PPARA: variants seen among roughly 807,000 people sequenced by gnomAD.
PPARA encodes the protein peroxisome proliferator activated receptor alpha.
A neutral mutation model predicts 42.2 loss-of-function variants in PPARA; 22 were observed. The ratio of observed to expected loss-of-function variants is 0.52; its 90% CI spans 0.37 to 0.74. The LOEUF (loss-of-function observed/expected upper bound fraction) is 0.74, where lower values mean the gene tolerates loss of function less well. Ranked by LOEUF, PPARA falls within the 30% of genes least tolerant of loss-of-function variation. PPARA has a pLI of 0.00. For missense variants in PPARA, 465 were observed against 608.2 expected (o/e 0.76, Z 2.48); for synonymous variants, 242 against 239.3 (o/e 1.01, Z -0.10).
chr22:46,215,974 A>G (rs567026130), intron 5 of PPARA, among the ~76,000 whole-genome samples: 75 of 152,290 alleles, frequency 4.9e-4, no homozygotes, highest in African/African-American at 1.7e-3. Context: ...ATTGTCTTCC[A>G]TGAAACCGGT....
chr22:46,158,993 G>T (rs1180954822), intron 2 of PPARA, among the ~76,000 whole-genome samples: 1 of 152,124 alleles, frequency 6.6e-6, no homozygotes, highest in African/African-American at 2.4e-5. Context: ...GGGTTCCAGT[G>T]GTTCTCCTAC....
At position 46,192,343 on chromosome 22, in the gene PPARA, C is replaced by T. The variant is rs1412630845; in HGVS notation, c.-42-5999C>T. ...ACTCATTTTAGCCTAATCTTCCAAACAGTCACGCATCTAAGAGCAGGTGAT... is the reference window on the plus strand; with the variant it reads ...ACTCATTTTAGCCTAATCTTCCAAATAGTCACGCATCTAAGAGCAGGTGAT... On this transcript the variant is annotated intron_variant, in intron 3 of 8. Transcript: ENST00000407236. This position sits in a 1 kb window ranked among gnomAD's most constrained non-coding sequence, Gnocchi z 4.3. Among the ~76,000 whole-genome samples, 1 of 152,216 alleles carries T rather than the reference C, an allele frequency of 6.6e-6. No individual in the cohort carries two copies. Among genetic ancestry groups the T allele is most frequent in the East Asian group, 1.9e-4 (1 of 5,198 alleles).
In PPARA at chr22:46,159,771, A is replaced by G. The variant is rs4253633; in HGVS notation, c.-127+7801A>G. Among the ~76,000 whole-genome samples the G allele has an allele frequency of 1.9e-3, 295 of 152,308 alleles. 3 individuals carry two copies. The highest frequency in any genetic ancestry group is 6.8e-3 in the African/African-American group (282 of 41,562). ...CCTGGGAAGAAGGCTTTGGAAAATGAGAGGCATGAAGGGGAGAGGGTATTT... is the reference window on the plus strand; with the variant it reads ...CCTGGGAAGAAGGCTTTGGAAAATGGGAGGCATGAAGGGGAGAGGGTATTT... On this transcript the variant is annotated intron_variant, in intron 2 of 8. Coordinates refer to ENST00000407236, the MANE Select transcript of PPARA (RefSeq NM_005036.6).
In PPARA at chr22:46,195,152, C is replaced by T. The variant is rs1932080076; in HGVS notation, c.-42-3190C>T. ...TCCTGACCTTAAGTGATCTGCCCGC[C>T]TCAGCCTCCCAAAGTGCTGGGATTA... is the stretch of plus-strand genomic sequence containing the variant. On this transcript the variant is annotated intron_variant, in intron 3 of 8. Transcript: ENST00000407236. This position sits in a 1 kb window ranked among gnomAD's most constrained non-coding sequence, Gnocchi z 4.6. Among the ~76,000 whole-genome samples, 1 of 152,074 alleles carries T rather than the reference C, an allele frequency of 6.6e-6. No homozygotes were observed. Among genetic ancestry groups the T allele is most frequent in the Non-Finnish European group, 1.5e-5 (1 of 68,028 alleles).
rs1328470614 is a variant in PPARA, at chr22:46,240,214, A to G, written c.*4834A>G. 5.8e-5 allele frequency: 23 copies of G among 398,726 alleles called. No individual in the cohort carries two copies. The South Asian group carries it at 2.0e-3, about 35-fold the overall frequency. The allele number at this position is 398,726 out of a possible 1,614,324, so 24.7% of individuals were successfully genotyped here. On this transcript the variant is annotated 3_prime_UTR_variant, in exon 9 of 9. Coordinates refer to ENST00000407236, the MANE Select transcript of PPARA (RefSeq NM_005036.6). This position sits in a 1 kb window ranked among gnomAD's most constrained non-coding sequence, Gnocchi z 6.0. The stretch of plus-strand genomic sequence containing the variant: ...ATGCCATGGCTCTGGGCAGCTTTCA[A>G]AGCAGGTTCCTGTGGTCTCCTCAGC...
Position 46,236,978 on chromosome 22 carries a change from G to A in PPARA, c.*1598G>A, listed in dbSNP as rs55774449. The stretch of plus-strand genomic sequence containing the variant: ...AGTTTGTCAAGAATATATGGACCTG[G>A]AAACACTTTCTCTCTCTGTCCACCT... On this transcript the variant is annotated 3_prime_UTR_variant, in exon 9 of 9. Coordinates refer to ENST00000407236, the MANE Select transcript of PPARA (RefSeq NM_005036.6). This position sits in a 1 kb window ranked among gnomAD's most constrained non-coding sequence, Gnocchi z 5.2. 2,854 of 152,298 alleles carry A rather than the reference G, an allele frequency of 0.019. 49 individuals carry two copies. Among genetic ancestry groups the A allele is most frequent in the Middle Eastern group, 0.031 (9 of 294 alleles). 9.4% of individuals were successfully genotyped at this position (152,298 alleles called of 1,614,324 possible).
chr22:46,228,710 T>C (rs574795899), intron 7 of PPARA, among the ~76,000 whole-genome samples: 1 of 152,330 alleles, frequency 6.6e-6, no homozygotes, highest in Non-Finnish European at 1.5e-5. Context: ...TCATTCTCAT[T>C]CTGGAAGACT....
chr22:46,169,723 C>G (rs1927691659), intron 2 of PPARA, among the ~76,000 whole-genome samples: 1 of 151,988 alleles, frequency 6.6e-6, no homozygotes, highest in African/African-American at 2.4e-5. Flanking sequence ...TATAAGATCT[C>G]TACTCAGAAA....
Position 46,221,383 on chromosome 22 carries a change from C to T in PPARA, c.711+1369C>T, listed in dbSNP as rs978417897. Among the ~76,000 whole-genome samples the T allele has an allele frequency of 4.6e-5, 7 of 152,234 alleles. No homozygotes were observed. The highest frequency in any genetic ancestry group is 8.8e-5 in the Non-Finnish European group (6 of 68,048). ...TAAGGCTAGAAAAGGAAACCACTTA[C>T]TTCCCACTCAAAATGTGCTCTTGGT... On this transcript the variant is annotated intron_variant, in intron 7 of 8. Coordinates refer to ENST00000407236, the MANE Select transcript of PPARA (RefSeq NM_005036.6). The surrounding 1 kb of genome is among the most constrained non-coding windows in gnomAD (Gnocchi z 5.9).
At position 46,234,094 on chromosome 22, in the gene PPARA, G is replaced by A. The variant is rs1936065109; in HGVS notation, c.1160-1039G>A. Among the ~76,000 whole-genome samples the A allele has an allele frequency of 6.6e-6, 1 of 152,106 alleles. No homozygotes were observed. Among genetic ancestry groups the A allele is most frequent in the Admixed American group, 6.5e-5 (1 of 15,270 alleles). ...CCACCTCGGCCTCCCAAAGTGCTGG[G>A]ATTACAGGCATGAGCCACTGCACCC... is the stretch of plus-strand genomic sequence containing the variant. On this transcript the variant is annotated intron_variant, in intron 8 of 8. Coordinates refer to ENST00000407236, the MANE Select transcript of PPARA (RefSeq NM_005036.6). The surrounding 1 kb of genome is among the most constrained non-coding windows in gnomAD (Gnocchi z 5.8).
intron 7 of PPARA, among the ~76,000 whole-genome samples, chr22:46,226,088 G>GCA (rs1343355371): frequency 4.0e-5 from 6 of 151,186 alleles, no homozygotes; most frequent in African/African-American, 1.5e-4. Context: ...GCATGTATAT[G>GCA]CACACACATA....
At position 46,156,984 on chromosome 22, in the gene PPARA, A is replaced by G. The variant is rs949252721; in HGVS notation, c.-127+5014A>G. Among the ~76,000 whole-genome samples, 4 of 152,174 alleles carry G rather than the reference A, an allele frequency of 2.6e-5. No homozygotes were observed. Among genetic ancestry groups the G allele is most frequent in the South Asian group, 4.1e-4 (2 of 4,830 alleles). The stretch of plus-strand genomic sequence containing the variant: ...TTTGCTCTTACTCCAACTCCATGGC[A>G]TACCTGGACCAGGCCTCTTCATCTT... On this transcript the variant is annotated intron_variant, in intron 2 of 8. Coordinates refer to ENST00000407236, the MANE Select transcript of PPARA (RefSeq NM_005036.6). This position sits in a 1 kb window ranked among gnomAD's most constrained non-coding sequence, Gnocchi z 5.2.
intron 4 of PPARA, among the ~76,000 whole-genome samples, chr22:46,213,327 A>G (rs894569206): frequency 1.3e-5 from 2 of 151,642 alleles, no homozygotes; most frequent in Admixed American, 1.3e-4. Flanking sequence ...ATTGTTTCAT[A>G]TGCTTACTTG....
chr22:46,169,495 A>G (rs754250729), intron 2 of PPARA, among the ~76,000 whole-genome samples: 7 of 151,864 alleles, frequency 4.6e-5, no homozygotes, highest in Non-Finnish European at 1.0e-4. Context: ...CGGCCTCCCA[A>G]AGTGCTGGGA....
At position 46,211,955 on chromosome 22, in the gene PPARA, G is replaced by A. The variant is rs1220495986; in HGVS notation, c.209-3218G>A. On this transcript the variant is annotated intron_variant, in intron 4 of 8. Coordinates refer to ENST00000407236, the MANE Select transcript of PPARA (RefSeq NM_005036.6). This position sits in a 1 kb window ranked among gnomAD's most constrained non-coding sequence, Gnocchi z 4.1. The stretch of plus-strand genomic sequence containing the variant: ...GATCCACCTACCTCGGCCTCCCAAA[G>A]TGTTGGGATTACAGGCGTGAGCCAC... 6.6e-6 allele frequency among the ~76,000 whole-genome samples: 1 copy of A among 151,904 alleles called. No individual in the cohort carries two copies. Among genetic ancestry groups the A allele is most frequent in the Admixed American group, 6.6e-5 (1 of 15,244 alleles).
In PPARA at chr22:46,161,419, C is replaced by T. The variant is rs528744234; in HGVS notation, c.-127+9449C>T. ...CAGCCTGGCCAACATGGTGAAACCC[C>T]GTCTCTACTAAAAATACAAAATTTA... On this transcript the variant is annotated intron_variant, in intron 2 of 8. Transcript: ENST00000407236. This position sits in a 1 kb window ranked among gnomAD's most constrained non-coding sequence, Gnocchi z 4.8. Among the ~76,000 whole-genome samples, 8 of 152,006 alleles carry T rather than the reference C, an allele frequency of 5.3e-5. No homozygotes were observed. Among genetic ancestry groups the T allele is most frequent in the Non-Finnish European group, 1.2e-4 (8 of 67,982 alleles).
At chr22:46,218,474 C>A in intron 6 of PPARA, 73 bp downstream of exon 6, 6 of 1,592,924 alleles carry the variant, frequency 3.8e-6, no homozygotes, top group South Asian at 2.2e-5. Flanking sequence ...GGGAACAGAT[C>A]AAGCTATGGA....
At chr22:46,194,052 G>C (rs940351526) in intron 3 of PPARA, among the ~76,000 whole-genome samples, 2 of 152,198 alleles carry the variant, frequency 1.3e-5, no homozygotes, top group Non-Finnish European at 2.9e-5. Flanking sequence ...GATGTGGGGG[G>C]AGCCCCAGCA....
At chr22:46,199,028 C>T (rs745316570) in intron 4 of PPARA, among the ~76,000 whole-genome samples, 38 of 152,168 alleles carry the variant, frequency 2.5e-4, no homozygotes, top group Admixed American at 2.1e-3. Context: ...CGTGGTAAAG[C>T]ATGACCTCCA....
Sources: allele counts gnomAD v4.1 joint callset (sites outside exome capture counted in the v4.1 genomes callset), GRCh38; gene constraint gnomAD v4.1.1; non-coding constraint Gnocchi (gnomAD v3.1); transcripts MANE v1.5; gene names NCBI Gene and HGNC (gene_info 2026-07-23, HGNC 2026-07-21).